Variants in CHCHD3 observed in about 807,000 individuals in gnomAD.
CHCHD3 encodes the protein coiled-coil-helix-coiled-coil-helix domain containing 3.
In CHCHD3, 20 loss-of-function variants were observed where a neutral mutation model predicts 38.2. The observed-to-expected ratio is 0.52, with a 90% CI of 0.37 to 0.76. The LOEUF (loss-of-function observed/expected upper bound fraction) is 0.76, where lower values mean the gene tolerates loss of function less well. Among genes scored for constraint, CHCHD3 ranks in the 30% least tolerant of loss-of-function variants. The pLI is 0.00. For missense variants in CHCHD3, 245 were observed against 279.2 expected (o/e 0.88, Z 0.87); for synonymous variants, 82 against 100.0 (o/e 0.82, Z 1.07).
At chr7:132,932,958 T>C (rs35984462) in intron 4 of CHCHD3, among the ~76,000 whole-genome samples, 15 of 152,152 alleles carry the variant, frequency 9.9e-5, no homozygotes, top group Non-Finnish European at 2.2e-4. Context: ...GTCTGTTTTG[T>C]GTCATCTGAA....
intron 3 of CHCHD3, among the ~76,000 whole-genome samples, chr7:133,004,092 T>C (rs6467458): frequency 0.46 from 70,071 of 151,482 alleles, 16,418 homozygotes; most frequent in East Asian, 0.55. Context: ...CTGGGATTAC[T>C]GGTGCCCGCC....
At chr7:132,808,033 T>C in intron 6 of CHCHD3, among the ~76,000 whole-genome samples, 1 of 151,992 alleles carries the variant, frequency 6.6e-6, no homozygotes, top group East Asian at 1.9e-4. Flanking sequence ...AGATATGAAA[T>C]CCCACATGCA....
chr7:133,005,382 G>T (rs1468904765), intron 3 of CHCHD3, among the ~76,000 whole-genome samples: 3 of 152,140 alleles, frequency 2.0e-5, no homozygotes, highest in Admixed American at 2.0e-4. Flanking sequence ...TCTCTTATTA[G>T]TGTGGGATCA....
At chr7:133,056,372 T>C (rs1273170108) in intron 2 of CHCHD3, among the ~76,000 whole-genome samples, 2 of 152,082 alleles carry the variant, frequency 1.3e-5, no homozygotes, top group Non-Finnish European at 2.9e-5. Context: ...GAAATGCCCT[T>C]TCTCCTCCTC....
At chr7:132,905,314 C>T (rs958683439) in intron 4 of CHCHD3, among the ~76,000 whole-genome samples, 1 of 151,894 alleles carries the variant, frequency 6.6e-6, no homozygotes, top group Non-Finnish European at 1.5e-5. Flanking sequence ...TGGATAGAGC[C>T]GGATGTCGTT....
chr7:132,814,607 T>A (rs1444179155), intron 6 of CHCHD3, among the ~76,000 whole-genome samples: 1 of 152,240 alleles, frequency 6.6e-6, no homozygotes, highest in African/African-American at 2.4e-5. Flanking sequence ...AGGTCTTCCC[T>A]GTGCCTGAGT....
chr7:132,844,188 C>G (rs537362550), intron 5 of CHCHD3, among the ~76,000 whole-genome samples: 13 of 152,288 alleles, frequency 8.5e-5, no homozygotes, highest in African/African-American at 3.1e-4. Context: ...GTCCCTGCTA[C>G]TCGGCTGGCT....
chr7:132,984,539 A>G (rs1187471642), intron 3 of CHCHD3, among the ~76,000 whole-genome samples: 8 of 127,424 alleles, frequency 6.3e-5, no homozygotes, highest in African/African-American at 1.2e-4. Context: ...CTGGGATGTG[A>G]GGAGCCCCTC....
At chr7:132,917,732 GC>G (rs1274133004) in intron 4 of CHCHD3, among the ~76,000 whole-genome samples, 3 of 151,760 alleles carry the variant, frequency 2.0e-5, no homozygotes, top group African/African-American at 7.3e-5. Context: ...GTTGGCGGGC[GC>G]CTGTAGTCCC....
Position 132,847,569 on chromosome 7 carries a change from C to T in CHCHD3, c.454-9100G>A, listed in dbSNP as rs142237817. Among the ~76,000 whole-genome samples the T allele has an allele frequency of 3.6e-3, 549 of 152,252 alleles. 4 individuals carry two copies. The highest frequency in any genetic ancestry group is 0.012 in the African/African-American group (514 of 41,566). ...CATTCCCAAGTTTCTCTGGGCTGGC[C>T]GTGGCCCAGGATTTTGAATGTGCGA... On this transcript the variant is annotated intron_variant, in intron 5 of 7. Coordinates refer to ENST00000262570, the MANE Select transcript of CHCHD3 (RefSeq NM_017812.4).
intron 2 of CHCHD3, among the ~76,000 whole-genome samples, chr7:133,030,013 A>G (rs894092683): frequency 4.0e-5 from 5 of 124,146 alleles, no homozygotes; most frequent in Admixed American, 2.1e-4. Context: ...CCAGAAAAGG[A>G]AAAAAAAAAA....
chr7:132,884,837 C>T (rs962789630), intron 5 of CHCHD3, among the ~76,000 whole-genome samples: 2 of 152,190 alleles, frequency 1.3e-5, no homozygotes, highest in African/African-American at 2.4e-5. Flanking sequence ...TGACTTGACG[C>T]CGTATCTCTT....
chr7:132,927,725 A>G (rs1810409702), intron 4 of CHCHD3, among the ~76,000 whole-genome samples: 2 of 152,238 alleles, frequency 1.3e-5, no homozygotes, highest in Non-Finnish European at 2.9e-5. Flanking sequence ...AGAAAGTCAG[A>G]ACAGATTTCA....
intron 4 of CHCHD3, among the ~76,000 whole-genome samples, chr7:132,942,709 A>G (rs1166385447): frequency 3.3e-5 from 5 of 152,224 alleles, no homozygotes; most frequent in African/African-American, 1.2e-4. Context: ...GCTCTGTGAC[A>G]ACATCTATAA....
chr7:133,042,374 C>T (rs1460565864), intron 2 of CHCHD3, among the ~76,000 whole-genome samples: 1 of 152,184 alleles, frequency 6.6e-6, no homozygotes, highest in African/African-American at 2.4e-5. Context: ...ACCTCCAAGG[C>T]TTAACACCAA....
chr7:132,914,228 T>C (rs888679918), intron 4 of CHCHD3, among the ~76,000 whole-genome samples: 1 of 151,772 alleles, frequency 6.6e-6, no homozygotes, highest in African/African-American at 2.4e-5. Context: ...GACCTCATGA[T>C]CCGCCCACCT....
intron 3 of CHCHD3, among the ~76,000 whole-genome samples, chr7:133,007,449 T>C (rs1337246463): frequency 1.3e-5 from 2 of 152,224 alleles, no homozygotes; most frequent in African/African-American, 4.8e-5. Flanking sequence ...CCTTTACTTA[T>C]AAGCTAGCTT....
At chr7:132,886,709 AT>A (rs55963318) in intron 4 of CHCHD3, among the ~76,000 whole-genome samples, 1 of 150,864 alleles carries the variant, frequency 6.6e-6, no homozygotes, top group Admixed American at 6.6e-5. Flanking sequence ...AGATATATAT[AT>A]TTTTGTGTGT....
intron 4 of CHCHD3, among the ~76,000 whole-genome samples, chr7:132,931,813 C>T (rs1019902730): frequency 6.6e-6 from 1 of 152,090 alleles, no homozygotes; most frequent in African/African-American, 2.4e-5. Context: ...TTCGATGCTG[C>T]CTCCCCTCCC....
Sources: gnomAD v4.1 joint callset for allele counts (sites outside exome capture counted in the v4.1 genomes callset) on GRCh38, gnomAD v4.1.1 for gene constraint, MANE v1.5 for transcripts, NCBI Gene and HGNC (gene_info 2026-07-23, HGNC 2026-07-21) for gene names.